AP3B2: variants seen among roughly 807,000 people sequenced by gnomAD.
AP3B2 encodes the protein AP-3 complex subunit beta-2.
In AP3B2, 50 loss-of-function variants were observed where a neutral mutation model predicts 126.9. That is an observed-to-expected ratio of 0.39 (90% CI 0.31 to 0.50). The LOEUF (loss-of-function observed/expected upper bound fraction) is 0.50, where lower values mean the gene tolerates loss of function less well. AP3B2 is among the 20% of genes least tolerant of loss of function. The pLI, the probability that AP3B2 is intolerant of heterozygous loss-of-function variation, is 0.79. For missense variants in AP3B2, 1,177 were observed against 1,426.4 expected (o/e 0.83, Z 2.82); for synonymous variants, 541 against 565.0 (o/e 0.96, Z 0.60).
intron 15 of AP3B2, among the ~76,000 whole-genome samples, chr15:82,666,393 T>G (rs1657863468): frequency 6.6e-6 from 1 of 152,240 alleles, no homozygotes; most frequent in African/African-American, 2.4e-5. Context: ...CCTTTGTGTG[T>G]TGTTTTGCTT....
At chr15:82,682,047 CT>C (rs769028602) in intron 4 of AP3B2, among the ~76,000 whole-genome samples, 8,897 of 79,454 alleles carry the variant, frequency 0.11, 150 homozygotes, top group East Asian at 0.26. Context: ...TAGGCCCTTC[CT>C]TTTTTTTTTT....
chr15:82,674,835 C>T (rs977060136), intron 14 of AP3B2, among the ~76,000 whole-genome samples: 2 of 139,802 alleles, frequency 1.4e-5, no homozygotes, highest in African/African-American at 2.7e-5. Flanking sequence ...ATGTCAGACT[C>T]CCACCTACAT....
chr15:82,698,195 C>T (rs751023699), intron 1 of AP3B2, among the ~76,000 whole-genome samples: 4 of 151,924 alleles, frequency 2.6e-5, no homozygotes, highest in Non-Finnish European at 5.9e-5. Context: ...AGAATCCATA[C>T]ATAAACCCAC....
At chr15:82,663,757 C>T in intron 20 of AP3B2, 44 bp downstream of exon 20, 1 of 1,599,886 alleles carries the variant, frequency 6.3e-7, no homozygotes, top group Non-Finnish European at 8.5e-7. Flanking sequence ...TTGGGGAGGG[C>T]CCTGGCCCAT....
At chr15:82,669,435 T>C (rs2151432993) in intron 14 of AP3B2, among the ~76,000 whole-genome samples, 1 of 152,324 alleles carries the variant, frequency 6.6e-6, no homozygotes, top group Admixed American at 6.5e-5. Context: ...GGCTGATGCC[T>C]GTAATCCCAG....
rs1364612560 is a variant in AP3B2, at chr15:82,688,562, T to G, written c.360+174A>C. On this transcript the variant is annotated intron_variant, in intron 4 of 26. Transcript: ENST00000535359. Reference sequence around the variant, plus strand: ...CTCTTACGCCCCTTCTGAGCCCAGCTTCCACTCTCTGAGGGTCTGGCTGGC... The same window carrying G: ...CTCTTACGCCCCTTCTGAGCCCAGCGTCCACTCTCTGAGGGTCTGGCTGGC... The G allele has an allele frequency of 5.6e-6, 4 of 716,922 alleles. 1 individual carries two copies. The highest frequency in any genetic ancestry group is 5.8e-4 in the Middle Eastern group (2 of 3,446). 44.4% of individuals were successfully genotyped at this position (716,922 alleles called of 1,614,324 possible).
intron 14 of AP3B2, among the ~76,000 whole-genome samples, chr15:82,670,936 C>T (rs1045069880): frequency 3.9e-5 from 6 of 152,174 alleles, no homozygotes; most frequent in African/African-American, 9.7e-5. Flanking sequence ...ATAGCAAACA[C>T]GTATATGAAA....
At chr15:82,692,303 C>T (rs1342201448) in intron 1 of AP3B2, 3 of 650,706 alleles carry the variant, frequency 4.6e-6, no homozygotes, top group Non-Finnish European at 7.7e-6. Context: ...CCACGTCCTT[C>T]TCGCGCACGT....
At chr15:82,676,694 A>T in intron 13 of AP3B2, 57 bp from the exon 14 acceptor site, 3 of 1,569,292 alleles carry the variant, frequency 1.9e-6, no homozygotes, top group Non-Finnish European at 2.6e-6. Flanking sequence ...GGTGGGTAGG[A>T]TTGTGGACTT....
rs1190481570 is a variant in AP3B2 at position 82,665,334 on chromosome 15, C to T, written c.1972-31G>A. The T allele has an allele frequency of 6.3e-7, 1 of 1,584,658 alleles. No homozygotes were observed. The highest frequency in any genetic ancestry group is 8.5e-7 in the Non-Finnish European group (1 of 1,172,096). ...TGTGTGGGGGAGGGTGTTAGGAGGG[C>T]TGGGCCGGCACTGCCAGGGCTCCCT... On this transcript the variant is annotated intron_variant, in intron 16 of 26. Transcript: ENST00000535359. The surrounding 1 kb of genome is among the most constrained non-coding windows in gnomAD (Gnocchi z 4.4).
At chr15:82,700,397 C>CTTTTTTTTTTGTTTTTTTTTT (rs2048700425) in intron 1 of AP3B2, among the ~76,000 whole-genome samples, 1 of 35,086 alleles carries the variant, frequency 2.9e-5, no homozygotes, top group Non-Finnish European at 5.1e-5. Context: ...TGGTGGGTGG[C>CTTTTTTTTTTGTTTTTTTTTT]TTTTTTTTTT....
intron 25 of AP3B2, among the ~76,000 whole-genome samples, chr15:82,660,818 C>A (rs983951223): frequency 6.6e-6 from 1 of 152,172 alleles, no homozygotes; most frequent in Non-Finnish European, 1.5e-5. Context: ...AAAATCCTTT[C>A]CAGAAGTGAG....
intron 14 of AP3B2, among the ~76,000 whole-genome samples, chr15:82,669,209 G>A (rs977595408): frequency 2.0e-5 from 3 of 152,166 alleles, no homozygotes; most frequent in Admixed American, 6.5e-5. Context: ...AGAAGACTCT[G>A]TATTGGAAGT....
intron 1 of AP3B2, among the ~76,000 whole-genome samples, chr15:82,706,523 G>A (rs1460765907): frequency 6.6e-6 from 1 of 152,134 alleles, no homozygotes; most frequent in Admixed American, 6.5e-5. Flanking sequence ...CCATCGCTCA[G>A]GGCAACACTT....
Position 82,664,774 on chromosome 15 carries a change from T to G in AP3B2, c.2137+61A>C. The G allele has an allele frequency of 3.1e-6, 4 of 1,305,178 alleles. No homozygotes were observed. The highest frequency in any genetic ancestry group is 4.3e-6 in the Non-Finnish European group (4 of 927,526). 80.8% of individuals were successfully genotyped at this position (1,305,178 alleles called of 1,614,324 possible). ...CAACCATATACATATACCCCTCATA[T>G]AGTCAGTCACACAGATGCATGGGCA... On this transcript the variant is annotated intron_variant, in intron 18 of 26. Transcript: ENST00000535359. The surrounding 1 kb of genome is among the most constrained non-coding windows in gnomAD (Gnocchi z 4.5).
Position 82,709,622 on chromosome 15 carries a change from C to T in AP3B2, c.85G>A (p.Gly29Ser). Residue 29 changes from glycine to serine, a missense_variant, in exon 1 of 27, where the codon GGC becomes AGC. Gly to Ser is a moderately conservative substitution (Grantham distance 56, BLOSUM62 0). This residue lies in a region of AP3B2 where 130 missense variants were observed against 262.0 expected (regional missense o/e 0.50). Coordinates refer to ENST00000535359, the MANE Select transcript of AP3B2 (RefSeq NM_001278512.2). Reference protein sequence around the residue: ...EPEYGHDPASGGIFSSDYKRH... With the variant: ...EPEYGHDPASSGIFSSDYKRH... The stretch of plus-strand genomic sequence containing the variant: ...TTGTAGTCGGAGGAGAAGATGCCGC[C>T]GCTCGCGGGGTCGTGGCCGTACTCG... 1.3e-6 allele frequency: 2 copies of T among 1,515,124 alleles called. No individual in the cohort carries two copies. The highest frequency in any genetic ancestry group is 1.2e-5 in the South Asian group (1 of 81,140). The allele number at this position is 1,515,124 out of a possible 1,614,324, so 93.9% of individuals were successfully genotyped here.
At chr15:82,682,272 C>T (rs1229494533) in intron 4 of AP3B2, among the ~76,000 whole-genome samples, 14 of 151,892 alleles carry the variant, frequency 9.2e-5, no homozygotes, top group Non-Finnish European at 1.8e-4. Flanking sequence ...AGGCTGGTCT[C>T]GAACTCCTGG....
chr15:82,689,191 C>A lies in AP3B2; in HGVS notation c.231G>T (p.Ala77=). ...TCTTACAGGCCACGTTCTTCACCAC[C>A]GCGGGAAACAGGTCTGAAGCATTCT... The part of the protein sequence containing the change: ...RGKNASDLFP[A]VVKNVACKNI... Residue 77 remains alanine (A), a synonymous_variant, in exon 3 of 27, where the codon GCG becomes GCT. Transcript: ENST00000535359. 6.2e-7 allele frequency: 1 copy of A among 1,614,030 alleles called. No homozygotes were observed. Among genetic ancestry groups the A allele is most frequent in the Non-Finnish European group, 8.5e-7 (1 of 1,179,902 alleles).
intron 4 of AP3B2, chr15:82,686,196 G>T (rs1045772481): frequency 6.6e-6 from 1 of 152,298 alleles, no homozygotes; most frequent in African/African-American, 2.4e-5. Context: ...GTTTCATAGG[G>T]GGTTCAAGGG....
Sources: gnomAD v4.1 joint callset for allele counts (sites outside exome capture counted in the v4.1 genomes callset) on GRCh38, gnomAD v4.1.1 for gene constraint, gnomAD v4.1.1 regional missense constraint, Gnocchi (gnomAD v3.1) non-coding constraint, MANE v1.5 for transcripts, NCBI Gene and HGNC (gene_info 2026-07-23, HGNC 2026-07-21) for gene names.